CAMTA1: variants seen among roughly 807,000 people sequenced by gnomAD.
CAMTA1 encodes the protein calmodulin-binding transcription activator 1.
CAMTA1 carries 27 observed loss-of-function variants against 170.9 expected under a neutral mutation model. That is an observed-to-expected ratio of 0.16 (90% CI 0.12 to 0.22). The LOEUF is 0.22. Ranked by LOEUF, CAMTA1 falls within the 10% of genes least tolerant of loss-of-function variation. CAMTA1 has a pLI of 1.00. For missense variants in CAMTA1, 1,619 were observed against 2,217.2 expected, an observed-to-expected ratio of 0.73 and a Z score of 5.42; for synonymous variants, 833 against 891.5, an observed-to-expected ratio of 0.93 and a Z score of 1.17.
chr1:7,480,396 A>AGTGTGT (rs377104355), intron 6 of CAMTA1, among the ~76,000 whole-genome samples: 1 of 149,622 alleles, frequency 6.7e-6, no homozygotes, highest in African/African-American at 2.5e-5. Flanking sequence ...CGTATATGAG[A>AGTGTGT]GTGTGTGTGT....
chr1:7,276,303 A>ATATATATTTTTTTTT, intron 5 of CAMTA1, among the ~76,000 whole-genome samples: 2 of 24,228 alleles, frequency 8.3e-5, no homozygotes, highest in African/African-American at 5.9e-4. Flanking sequence ...ATATATATAT[A>ATATATATTTTTTTTT]TTTTTTTTTT....
At chr1:7,413,796 G>GAA (rs2090966360) in intron 5 of CAMTA1, among the ~76,000 whole-genome samples, 1 of 152,168 alleles carries the variant, frequency 6.6e-6, no homozygotes, top group African/African-American at 2.4e-5. Flanking sequence ...ACACTAGGTT[G>GAA]AATAGGAGTG....
At chr1:6,922,622 G>A (rs1442745949) in intron 3 of CAMTA1, among the ~76,000 whole-genome samples, 1 of 152,214 alleles carries the variant, frequency 6.6e-6, no homozygotes, top group Non-Finnish European at 1.5e-5. Context: ...AAAGCCGGTG[G>A]ATGCTGTGTT....
chr1:7,608,645 C>G (rs909653714), intron 6 of CAMTA1, among the ~76,000 whole-genome samples: 1 of 152,182 alleles, frequency 6.6e-6, no homozygotes, highest in African/African-American at 2.4e-5. Flanking sequence ...GCATCTCTTT[C>G]TCCTTAGAAA....
At chr1:7,418,591 C>T (rs2091352241) in intron 5 of CAMTA1, among the ~76,000 whole-genome samples, 1 of 152,188 alleles carries the variant, frequency 6.6e-6, no homozygotes, top group African/African-American at 2.4e-5. Context: ...TAGCCCAGGG[C>T]CTTGTGTTGA....
At chr1:6,996,725 CA>C in intron 3 of CAMTA1, among the ~76,000 whole-genome samples, 1 of 152,148 alleles carries the variant, frequency 6.6e-6, no homozygotes. Flanking sequence ...AAAAAAGTCA[CA>C]AACCCTCAGA....
chr1:7,324,912 G>A (rs1679067132), intron 5 of CAMTA1, among the ~76,000 whole-genome samples: 4 of 152,068 alleles, frequency 2.6e-5, no homozygotes, highest in Admixed American at 2.6e-4. Context: ...CAGGGCCTAA[G>A]GTTAATCTAC....
intron 5 of CAMTA1, among the ~76,000 whole-genome samples, chr1:7,316,805 G>C (rs1677580766): frequency 6.6e-6 from 1 of 152,142 alleles, no homozygotes; most frequent in Non-Finnish European, 1.5e-5. Context: ...AGATGCTCTG[G>C]GGGAGGCCTC....
chr1:7,186,378 G>T (rs886505595), intron 4 of CAMTA1, among the ~76,000 whole-genome samples: 1 of 152,216 alleles, frequency 6.6e-6, no homozygotes, highest in East Asian at 1.9e-4. Flanking sequence ...ATACCTACAG[G>T]TGCTAGTGCT....
intron 6 of CAMTA1, among the ~76,000 whole-genome samples, chr1:7,596,799 C>A (rs1014027891): frequency 1.1e-4 from 17 of 152,332 alleles, no homozygotes; most frequent in Middle Eastern, 6.8e-3. Context: ...GGGCAGTGAG[C>A]CACTGCACAA....
At chr1:7,615,085 C>A (rs562481025) in intron 6 of CAMTA1, among the ~76,000 whole-genome samples, 1 of 152,140 alleles carries the variant, frequency 6.6e-6, no homozygotes, top group Non-Finnish European at 1.5e-5. Flanking sequence ...ATCCATACGA[C>A]GTGTTTGCTG....
chr1:6,888,938 TA>T (rs1176552748), intron 3 of CAMTA1, among the ~76,000 whole-genome samples: 2 of 152,202 alleles, frequency 1.3e-5, no homozygotes, highest in Non-Finnish European at 2.9e-5. Context: ...ACGAATTGTT[TA>T]AAGAACTGAA....
intron 6 of CAMTA1, among the ~76,000 whole-genome samples, chr1:7,497,341 C>T (rs944489453): frequency 3.3e-5 from 5 of 152,182 alleles, no homozygotes; most frequent in Non-Finnish European, 7.3e-5. Context: ...AAGCCCAGGC[C>T]CCATCCCATC....
In CAMTA1 at chr1:6,999,668, G is replaced by A. The variant is rs1013686580; in HGVS notation, c.235-91636G>A. On this transcript the variant is annotated intron_variant, in intron 3 of 22. Coordinates refer to ENST00000303635, the MANE Select transcript of CAMTA1 (RefSeq NM_015215.4). ...AAAGTGCTAGGATTATACCGTACCC[G>A]GCCGGGTCTTTTTTCTTAGAGCGGT... Among the ~76,000 whole-genome samples, 4 of 152,084 alleles carry A rather than the reference G, an allele frequency of 2.6e-5. No individual in the cohort carries two copies. In the East Asian group the frequency reaches 5.8e-4, roughly 22 times the overall value.
At chr1:7,645,508 G>A (rs895368437) in intron 7 of CAMTA1, among the ~76,000 whole-genome samples, 7 of 152,368 alleles carry the variant, frequency 4.6e-5, no homozygotes, top group Non-Finnish European at 7.3e-5. Context: ...AGCCCTTCCC[G>A]TGTGGTGATC....
chr1:7,034,189 G>A (rs774521848), intron 3 of CAMTA1, among the ~76,000 whole-genome samples: 2 of 151,890 alleles, frequency 1.3e-5, no homozygotes, highest in African/African-American at 4.8e-5. Flanking sequence ...ACAGAGTCTC[G>A]CTCTGTTGCC....
intron 6 of CAMTA1, among the ~76,000 whole-genome samples, chr1:7,558,678 C>T (rs1384272301): frequency 2.6e-5 from 4 of 152,246 alleles, no homozygotes; most frequent in Non-Finnish European, 4.4e-5. Flanking sequence ...CTCACCCGCT[C>T]TGCGGGTCTG....
At chr1:6,845,866 T>C (rs1171421867) in intron 3 of CAMTA1, among the ~76,000 whole-genome samples, 3 of 152,214 alleles carry the variant, frequency 2.0e-5, no homozygotes, top group South Asian at 2.1e-4. Flanking sequence ...AAGACATACC[T>C]GAGACTGGAT....
At chr1:6,787,904 A>G (rs1192508447) in intron 1 of CAMTA1, among the ~76,000 whole-genome samples, 1 of 151,894 alleles carries the variant, frequency 6.6e-6, no homozygotes, top group African/African-American at 2.4e-5. Flanking sequence ...TGTTTGGACA[A>G]ACGACAGGAG....
Sources: allele counts gnomAD v4.1 joint callset (sites outside exome capture counted in the v4.1 genomes callset), GRCh38; gene constraint gnomAD v4.1.1; transcripts MANE v1.5; gene names NCBI Gene and HGNC (gene_info 2026-07-23, HGNC 2026-07-21).